VOPP1: variants seen among roughly 807,000 people sequenced by gnomAD.
VOPP1 encodes VOPP1 WW domain binding protein.
In VOPP1, 8 loss-of-function variants were observed where a neutral mutation model predicts 23.5. The observed-to-expected ratio is 0.34, with a 90% CI of 0.20 to 0.61. The LOEUF (loss-of-function observed/expected upper bound fraction) is 0.61. Ranked by LOEUF, VOPP1 falls within the 20% of genes least tolerant of loss-of-function variation. The pLI is 0.78. For synonymous variants in VOPP1, 83 were observed against 97.3 expected, an observed-to-expected ratio of 0.85 and a Z score of 0.86; for missense variants, 174 against 238.1, an observed-to-expected ratio of 0.73 and a Z score of 1.77.
intron 1 of VOPP1, among the ~76,000 whole-genome samples, chr7:55,530,645 G>A (rs1043473354): frequency 1.3e-5 from 2 of 152,118 alleles, no homozygotes; most frequent in South Asian, 2.1e-4. Context: ...CATAATCCAC[G>A]ACCCACCCTT....
chr7:55,566,465 G>C (rs1798167082), intron 1 of VOPP1, among the ~76,000 whole-genome samples: 2 of 145,928 alleles, frequency 1.4e-5, no homozygotes, highest in African/African-American at 5.2e-5. Context: ...AGGAGGCTGA[G>C]GCAGGAGAAT....
chr7:55,490,108 T>C (rs1014730136), intron 4 of VOPP1, among the ~76,000 whole-genome samples: 2 of 152,086 alleles, frequency 1.3e-5, no homozygotes, highest in Admixed American at 6.5e-5. Context: ...AGCTAGGGAC[T>C]GTGGACTTAC....
At chr7:55,459,055 AT>A (rs1160639243) in intron 4 of VOPP1, among the ~76,000 whole-genome samples, 1 of 147,734 alleles carries the variant, frequency 6.8e-6, no homozygotes, top group Admixed American at 6.7e-5. Context: ...TGTTCCTTGT[AT>A]GTCTAATTTG....
At chr7:55,557,983 C>T (rs572228974) in intron 1 of VOPP1, among the ~76,000 whole-genome samples, 1 of 152,294 alleles carries the variant, frequency 6.6e-6, no homozygotes, top group Admixed American at 6.5e-5. Context: ...TTAGTAAGTA[C>T]TCTGTGGGGC....
At chr7:55,561,476 C>A (rs1217677769) in intron 1 of VOPP1, among the ~76,000 whole-genome samples, 2 of 151,986 alleles carry the variant, frequency 1.3e-5, no homozygotes, top group African/African-American at 4.8e-5. Context: ...TCTGGGAGGC[C>A]AAGGCGGGCA....
chr7:55,508,491 C>T lies in VOPP1; in HGVS notation c.114-10801G>A, dbSNP rs552700592. On this transcript the variant is annotated intron_variant, in intron 2 of 4. Coordinates refer to ENST00000285279, the MANE Select transcript of VOPP1 (RefSeq NM_030796.5). ...ACTATGTTGCCAGGCTGGTCTCTAA[C>T]TCCTGGCCATAGTGATCTTCTTGCC... 3.3e-5 allele frequency among the ~76,000 whole-genome samples: 5 copies of T among 152,310 alleles called. No individual in the cohort carries two copies. The South Asian group carries it at 6.2e-4, about 19-fold the overall frequency.
At chr7:55,435,583 C>G (rs1342614345), downstream of VOPP1, among the ~76,000 whole-genome samples, 1 of 152,146 alleles carries the variant, frequency 6.6e-6, no homozygotes, top group Admixed American at 6.5e-5. Flanking sequence ...TACGCAGCCC[C>G]GAGTGAGCCG....
chr7:55,570,997 C>T (rs1798333297), intron 1 of VOPP1, among the ~76,000 whole-genome samples: 1 of 152,102 alleles, frequency 6.6e-6, no homozygotes, highest in Admixed American at 6.5e-5. Context: ...AGTATAGGTA[C>T]ACACATTAAG....
At chr7:55,483,175 T>G (rs1419342810) in intron 4 of VOPP1, among the ~76,000 whole-genome samples, 1 of 152,088 alleles carries the variant, frequency 6.6e-6, no homozygotes, top group African/African-American at 2.4e-5. Flanking sequence ...CTGTAGCGCT[T>G]CTCAGTGCAG....
At chr7:55,469,726 C>T (rs1048575433), downstream of VOPP1, among the ~76,000 whole-genome samples, 3 of 152,184 alleles carry the variant, frequency 2.0e-5, no homozygotes, top group Admixed American at 6.5e-5. Context: ...ACTGTATGGC[C>T]TACTAATTTG....
chr7:55,495,422 G>T (rs974920321), intron 3 of VOPP1, among the ~76,000 whole-genome samples: 2 of 152,130 alleles, frequency 1.3e-5, no homozygotes, highest in African/African-American at 4.8e-5. Flanking sequence ...CCATCCTGCC[G>T]CCACTCCTGT....
chr7:55,457,858 TAA>T (rs1461754944), intron 4 of VOPP1, among the ~76,000 whole-genome samples: 2 of 152,188 alleles, frequency 1.3e-5, no homozygotes, highest in Non-Finnish European at 2.9e-5. Context: ...CCTTGTTGGA[TAA>T]ATAGTTTGCA....
intron 2 of VOPP1, among the ~76,000 whole-genome samples, chr7:55,519,278 G>C (rs1795682426): frequency 6.6e-6 from 1 of 152,180 alleles, no homozygotes; most frequent in African/African-American, 2.4e-5. Flanking sequence ...CAAAAGCAGG[G>C]CTTGTCTTTT....
chr7:55,532,158 GTGACTAAAGTC>G (rs772799466), intron 1 of VOPP1, among the ~76,000 whole-genome samples: 4 of 152,242 alleles, frequency 2.6e-5, no homozygotes, highest in African/African-American at 4.8e-5. Flanking sequence ...AAGCTGAGAT[GTGACTAAAGTC>G]TGACTAAAGG....
At chr7:55,562,946 CG>C (rs577752968) in intron 1 of VOPP1, among the ~76,000 whole-genome samples, 1 of 152,286 alleles carries the variant, frequency 6.6e-6, no homozygotes, top group East Asian at 1.9e-4. Flanking sequence ...GCACATCACT[CG>C]GAAGTTCAAC....
intron 2 of VOPP1, among the ~76,000 whole-genome samples, chr7:55,517,115 TA>T (rs1390409274): frequency 1.3e-5 from 2 of 150,246 alleles, no homozygotes; most frequent in East Asian, 2.0e-4. Flanking sequence ...AATATATATA[TA>T]TTTTTTTATT....
At chr7:55,569,332 A>G (rs1049901908) in intron 1 of VOPP1, among the ~76,000 whole-genome samples, 5 of 152,200 alleles carry the variant, frequency 3.3e-5, no homozygotes, top group East Asian at 3.9e-4. Context: ...TCACTCTTCA[A>G]AGTGCCACCG....
chr7:55,503,774 C>T (rs970072613), intron 2 of VOPP1, among the ~76,000 whole-genome samples: 1 of 152,146 alleles, frequency 6.6e-6, no homozygotes, highest in African/African-American at 2.4e-5. Flanking sequence ...ACAGTGCCTA[C>T]GAACCACGGA....
At chr7:55,518,554 C>G (rs1389155430) in intron 2 of VOPP1, among the ~76,000 whole-genome samples, 1 of 152,110 alleles carries the variant, frequency 6.6e-6, no homozygotes, top group Non-Finnish European at 1.5e-5. Flanking sequence ...TTTATGGGGA[C>G]AGGGAACTGA....
Sources: gnomAD v4.1 joint callset for allele counts (sites outside exome capture counted in the v4.1 genomes callset) on GRCh38, gnomAD v4.1.1 for gene constraint, MANE v1.5 for transcripts, NCBI Gene and HGNC (gene_info 2026-07-23, HGNC 2026-07-21) for gene names.